Variants in CD2AP observed in about 807,000 individuals in gnomAD.
The protein encoded by CD2AP is CD2-associated protein.
Under a neutral mutation model 85.1 loss-of-function variants are expected in CD2AP, and 46 were observed. The observed-to-expected ratio is 0.54, with a 90% CI of 0.43 to 0.69. The LOEUF (loss-of-function observed/expected upper bound fraction) is 0.69. Among genes scored for constraint, CD2AP ranks in the 30% least tolerant of loss-of-function variants. The pLI, the probability that CD2AP is intolerant of heterozygous loss-of-function variation, is 0.00. For synonymous variants in CD2AP, 255 were observed against 252.9 expected (o/e 1.01, Z -0.08); for missense variants, 769 against 729.5 (o/e 1.05, Z -0.62).
intron 2 of CD2AP, among the ~76,000 whole-genome samples, chr6:47,525,798 A>G (rs1766705360): frequency 6.6e-6 from 1 of 152,140 alleles, no homozygotes; most frequent in Non-Finnish European, 1.5e-5. Flanking sequence ...CAATCAGTAT[A>G]GCACATTCTT....
intron 13 of CD2AP, among the ~76,000 whole-genome samples, chr6:47,600,129 T>C (rs1336031789): frequency 1.3e-5 from 2 of 151,970 alleles, no homozygotes; most frequent in African/African-American, 2.4e-5. Flanking sequence ...TTTAGTTTTT[T>C]TGACTTTTTC....
intron 11 of CD2AP, among the ~76,000 whole-genome samples, chr6:47,588,663 T>C (rs189680907): frequency 7.7e-4 from 118 of 152,278 alleles, no homozygotes; most frequent in Non-Finnish European, 7.9e-4. Context: ...AGGAGTCATA[T>C]GACCTGCCAC....
At position 47,606,372 on chromosome 6, in the gene CD2AP, A is replaced by G. The variant is rs939400742; in HGVS notation, c.1530+95A>G. ...CTTATAGCTCTACCTAAGTTTGAAA[A>G]TCAGGAGGATAGCTCTTATACTCAA... On this transcript the variant is annotated intron_variant, in intron 14 of 17. Coordinates refer to ENST00000359314, the MANE Select transcript of CD2AP (RefSeq NM_012120.3). 3.9e-6 allele frequency: 3 copies of G among 770,778 alleles called. No homozygotes were observed. In the African/African-American group the frequency reaches 5.2e-5, roughly 13 times the overall value. The allele number at this position is 770,778 out of a possible 1,614,324, so 47.7% of individuals were successfully genotyped here. A position where few individuals can be genotyped will look rare whatever the true frequency, so the allele number is the denominator to read the frequency against.
intron 12 of CD2AP, among the ~76,000 whole-genome samples, chr6:47,596,406 T>C (rs1256428426): frequency 3.3e-5 from 5 of 152,086 alleles, no homozygotes; most frequent in Non-Finnish European, 5.9e-5. Context: ...TGACCACATC[T>C]TCCCACTCCC....
At chr6:47,542,630 C>T (rs1246503356) in intron 3 of CD2AP, among the ~76,000 whole-genome samples, 1 of 152,128 alleles carries the variant, frequency 6.6e-6, no homozygotes, top group Non-Finnish European at 1.5e-5. Flanking sequence ...ATAAAATCTG[C>T]TGGCACTTTG....
intron 2 of CD2AP, among the ~76,000 whole-genome samples, chr6:47,528,969 C>T (rs1364163877): frequency 6.6e-6 from 1 of 152,224 alleles, no homozygotes; most frequent in East Asian, 1.9e-4. Flanking sequence ...TCTCTTGATA[C>T]GTTTGCTTTC....
chr6:47,548,070 CTTAAAAG>C (rs1331313731), intron 4 of CD2AP, among the ~76,000 whole-genome samples: 5 of 152,028 alleles, frequency 3.3e-5, no homozygotes, highest in South Asian at 2.1e-4. Context: ...TAAAAGTCAA[CTTAAAAG>C]TTAAAAGTTG....
At position 47,478,069 on chromosome 6, in the gene CD2AP, G is replaced by C; in HGVS notation, c.-176G>C. 1 of 791,298 alleles carries C rather than the reference G, an allele frequency of 1.3e-6. No individual in the cohort carries two copies. Among genetic ancestry groups the C allele is most frequent in the Non-Finnish European group, 2.1e-6 (1 of 481,618 alleles). 49.0% of individuals were successfully genotyped at this position (791,298 alleles called of 1,614,324 possible). A position where few individuals can be genotyped will look rare whatever the true frequency, so the allele number is the denominator to read the frequency against. On this transcript the variant is annotated 5_prime_UTR_variant, in exon 1 of 18. Transcript: ENST00000359314. ...TCTGCCTCGAGGGCCGCGCTGAAGA[G>C]ACTGGTAGGAGAGCGCCGCGGGCGG...
chr6:47,534,031 C>T (rs942246039), intron 3 of CD2AP, among the ~76,000 whole-genome samples: 1 of 152,208 alleles, frequency 6.6e-6, no homozygotes, highest in Non-Finnish European at 1.5e-5. Flanking sequence ...TTTACCTTAA[C>T]TATATTTTAA....
intron 2 of CD2AP, among the ~76,000 whole-genome samples, chr6:47,523,026 A>G (rs189217096): frequency 2.0e-4 from 30 of 152,140 alleles, no homozygotes; most frequent in Admixed American, 1.8e-3. Context: ...AAGAAGAAAT[A>G]TTTAAGTAAA....
chr6:47,503,758 G>A (rs1439180221), intron 2 of CD2AP, among the ~76,000 whole-genome samples: 1 of 152,164 alleles, frequency 6.6e-6, no homozygotes, highest in Non-Finnish European at 1.5e-5. Flanking sequence ...CAGGCTTGCT[G>A]TATATATTCT....
intron 17 of CD2AP, among the ~76,000 whole-genome samples, chr6:47,618,815 T>TA (rs766488911): frequency 1.3e-5 from 2 of 152,216 alleles, no homozygotes; most frequent in Non-Finnish European, 2.9e-5. Context: ...AGTGAGCTGT[T>TA]ACTTGGCCTC....
chr6:47,599,420 C>G lies in CD2AP; in HGVS notation c.1394C>G (p.Thr465Arg), dbSNP rs978352961. 8.1e-6 allele frequency: 13 copies of G among 1,611,782 alleles called. No homozygotes were observed. The highest frequency in any genetic ancestry group is 1.3e-5 in the African/African-American group (1 of 74,660). The change falls in exon 13 of 18, where the codon ACA becomes AGA. Residue 465 changes from threonine (T) to arginine (R), a missense_variant. Transcript: ENST00000359314. ...RPKSVDFDSL[T>R]VRTSKETDVV... ...AAATCAGTAGACTTTGATTCACTTA[C>G]AGTAAGGACCTCCAAAGAAACAGGT...
intron 14 of CD2AP, 198 bp from the exon 15 acceptor site, chr6:47,607,729 G>A: frequency 4.0e-6 from 2 of 495,430 alleles, no homozygotes; most frequent in Non-Finnish European, 7.2e-6. Context: ...CTGCTAAGAG[G>A]CAAGCTGTTT....
At chr6:47,582,852 G>A (rs560125133) in intron 11 of CD2AP, among the ~76,000 whole-genome samples, 2 of 147,408 alleles carry the variant, frequency 1.4e-5, no homozygotes, top group South Asian at 4.3e-4. Context: ...GCGCAATATC[G>A]GCTCACTGCA....
At chr6:47,555,300 G>A (rs945875647) in intron 5 of CD2AP, among the ~76,000 whole-genome samples, 2 of 152,086 alleles carry the variant, frequency 1.3e-5, no homozygotes, top group African/African-American at 4.8e-5. Context: ...TTACCCCAAA[G>A]CTAGATTTAA....
chr6:47,589,377 T>TACACACACACACACACACACACAC (rs1430564786), intron 11 of CD2AP, among the ~76,000 whole-genome samples: 1 of 3,496 alleles, frequency 2.9e-4, no homozygotes, highest in African/African-American at 3.5e-4. Context: ...AACTCTTGAA[T>TACACACACACACACACACACACAC]ATACACACAC....
At chr6:47,552,775 A>G (rs1767562973) in intron 4 of CD2AP, among the ~76,000 whole-genome samples, 2 of 152,084 alleles carry the variant, frequency 1.3e-5, no homozygotes, top group South Asian at 2.1e-4. Flanking sequence ...GATCACTTCC[A>G]GTTCTTTGGT....
intron 6 of CD2AP, among the ~76,000 whole-genome samples, chr6:47,575,238 TG>T (rs1768273957): frequency 6.6e-6 from 1 of 152,082 alleles, no homozygotes; most frequent in African/African-American, 2.4e-5. Flanking sequence ...GTTTTTGGGG[TG>T]GTGCTCTATA....
Sources: allele counts gnomAD v4.1 joint callset (sites outside exome capture counted in the v4.1 genomes callset), GRCh38; gene constraint gnomAD v4.1.1; transcripts MANE v1.5; gene names NCBI Gene and HGNC (gene_info 2026-07-23, HGNC 2026-07-21).